The following SIGLEC15 variants were observed in gnomAD, a reference collection of about 807,000 sequenced individuals.
The protein encoded by SIGLEC15 is sialic acid binding Ig like lectin 15.
SIGLEC15 carries 31 observed loss-of-function variants against 26.2 expected under a neutral mutation model. The observed-to-expected ratio is 1.18, with a 90% CI of 0.89 to 1.60. The LOEUF (loss-of-function observed/expected upper bound fraction) is 1.60. SIGLEC15 is among the 40% of genes most tolerant of loss of function. The pLI, the probability that SIGLEC15 is intolerant of heterozygous loss-of-function variation, is 0.00. For missense variants in SIGLEC15, 501 were observed against 488.4 expected (o/e 1.03, Z -0.24); for synonymous variants, 207 against 221.9 (o/e 0.93, Z 0.60).
chr18:45,830,797 A>G (rs555023505), intron 1 of SIGLEC15, among the ~76,000 whole-genome samples: 4 of 128,382 alleles, frequency 3.1e-5, no homozygotes, highest in Non-Finnish European at 4.8e-5. Context: ...ACGGGGTTTC[A>G]CCATATTGGC....
intron 5 of SIGLEC15, 132 bp from the exon 6 acceptor site, chr18:45,841,974 T>C (rs2048328096): frequency 1.2e-6 from 1 of 834,946 alleles, no homozygotes; most frequent in Admixed American, 2.0e-5. Flanking sequence ...CATTCATCTC[T>C]GAGCCCTGCC....
chr18:45,837,120 G>A, intron 2 of SIGLEC15, 32 bp downstream of exon 2: 1 of 1,611,086 alleles, frequency 6.2e-7, no homozygotes, highest in Non-Finnish European at 8.5e-7. Flanking sequence ...ACCATCTCGG[G>A]GATCTTGGGA....
chr18:45,837,361 G>A, intron 2 of SIGLEC15, 152 bp from the exon 3 acceptor site: 1 of 1,240,346 alleles, frequency 8.1e-7, no homozygotes, highest in African/African-American at 1.6e-5. Flanking sequence ...TGGGGTTCCG[G>A]CTCCCCTGGA....
intron 1 of SIGLEC15, among the ~76,000 whole-genome samples, chr18:45,829,980 C>T (rs1056066729): frequency 1.2e-4 from 18 of 152,332 alleles, no homozygotes; most frequent in Admixed American, 1.2e-3. Context: ...ACGGGACTCA[C>T]TTTCCTGTCT....
intron 1 of SIGLEC15, among the ~76,000 whole-genome samples, chr18:45,826,445 C>T (rs1003415617): frequency 3.3e-5 from 5 of 152,218 alleles, no homozygotes; most frequent in African/African-American, 9.7e-5. Context: ...TCTTTGGCTC[C>T]ACCCCAGACC....
At position 45,830,409 on chromosome 18, in the gene SIGLEC15, C is replaced by G. The variant is rs866664707; in HGVS notation, c.52+4629C>G. 3.9e-5 allele frequency among the ~76,000 whole-genome samples: 6 copies of G among 152,098 alleles called. No homozygotes were observed. The South Asian group carries it at 6.2e-4, about 16-fold the overall frequency. Reference sequence around the variant, plus strand: ...TTGCAATGATGTGAGAGCTAATGCCCGATGCGGCAGCCCCAATCCTTCCTC... The same window carrying G: ...TTGCAATGATGTGAGAGCTAATGCCGGATGCGGCAGCCCCAATCCTTCCTC... On this transcript the variant is annotated intron_variant, in intron 1 of 5. Transcript: ENST00000389474.
At chr18:45,827,272 C>T (rs1381667240) in intron 1 of SIGLEC15, among the ~76,000 whole-genome samples, 2 of 152,154 alleles carry the variant, frequency 1.3e-5, no homozygotes, top group Non-Finnish European at 2.9e-5. Context: ...GAACATGGGG[C>T]CCAGAGGGGC....
At chr18:45,832,035 C>A (rs1035026434) in intron 1 of SIGLEC15, among the ~76,000 whole-genome samples, 38 of 152,204 alleles carry the variant, frequency 2.5e-4, no homozygotes, top group Non-Finnish European at 4.1e-4. Context: ...CCCGGCCCAA[C>A]ATCTTAACCC....
chr18:45,838,223 G>A (rs979502403), intron 3 of SIGLEC15, among the ~76,000 whole-genome samples: 3 of 152,176 alleles, frequency 2.0e-5, no homozygotes, highest in African/African-American at 7.2e-5. Context: ...TATGCCAAGA[G>A]GTGCAATGTG....
At position 45,825,768 on chromosome 18, in the gene SIGLEC15, G is replaced by A; in HGVS notation, c.40G>A (p.Val14Ile). 6.2e-7 allele frequency: 1 copy of A among 1,614,232 alleles called. No homozygotes were observed. Among genetic ancestry groups the A allele is most frequent in the Non-Finnish European group, 8.5e-7 (1 of 1,180,038 alleles). ...CTGGCTGCTGGCCTGCTTGGCGTGG[G>A]TTCTCCCGACAGGTGAGTGTCTGCT... ...SIWLLACLAW[V>I]LPTGSFVRTK... The change falls in exon 1 of 6, where the codon GTT becomes ATT. Residue 14 changes from valine (V) to isoleucine (I), a missense_variant. Transcript: ENST00000389474.
chr18:45,838,025 AC>A, intron 3 of SIGLEC15, 129 bp downstream of exon 3: 2 of 1,195,628 alleles, frequency 1.7e-6, no homozygotes, highest in Non-Finnish European at 2.2e-6. Flanking sequence ...CCTCTCCTCT[AC>A]CCCAGGGATC....
intron 1 of SIGLEC15, among the ~76,000 whole-genome samples, chr18:45,828,104 A>G (rs1370909346): frequency 1.3e-5 from 2 of 152,166 alleles, no homozygotes; most frequent in East Asian, 3.9e-4. Context: ...GCCAGAAGAC[A>G]TCCAGGCCAC....
At chr18:45,838,684 C>G (rs757380374) in intron 3 of SIGLEC15, 34 bp from the exon 4 acceptor site, 1 of 1,527,196 alleles carries the variant, frequency 6.5e-7, no homozygotes, top group Admixed American at 1.9e-5. Flanking sequence ...GGGAGGGGTG[C>G]CCTTGTGACA....
intron 2 of SIGLEC15, 54 bp downstream of exon 2, chr18:45,837,142 C>T (rs2048281967): frequency 6.2e-7 from 1 of 1,602,800 alleles, no homozygotes; most frequent in Non-Finnish European, 8.5e-7. Context: ...TCTGTTTTAA[C>T]CACGAGATCC....
intron 1 of SIGLEC15, among the ~76,000 whole-genome samples, chr18:45,830,691 G>C (rs993265905): frequency 7.2e-6 from 1 of 139,552 alleles, no homozygotes; most frequent in African/African-American, 2.6e-5. Context: ...GTTCAAGCGA[G>C]TCTCCTGCCT....
chr18:45,840,055 T>A (rs921206407), intron 4 of SIGLEC15, among the ~76,000 whole-genome samples, 156 bp from the exon 5 acceptor site: 16 of 151,970 alleles, frequency 1.1e-4, no homozygotes, highest in African/African-American at 3.9e-4. Context: ...CCCAGCAGGG[T>A]TCCATGGCAC....
chr18:45,828,199 C>T (rs888429425), intron 1 of SIGLEC15, among the ~76,000 whole-genome samples: 8 of 152,200 alleles, frequency 5.3e-5, no homozygotes, highest in African/African-American at 1.4e-4. Context: ...CCTGTGCCAA[C>T]GCAGGCCCGC....
chr18:45,832,970 C>T (rs2048247415), intron 1 of SIGLEC15, among the ~76,000 whole-genome samples: 1 of 152,136 alleles, frequency 6.6e-6, no homozygotes, highest in South Asian at 2.1e-4. Context: ...ACAGGAAGCA[C>T]AAATCTCTTC....
At chr18:45,841,569 G>C (rs1475772614) in intron 5 of SIGLEC15, among the ~76,000 whole-genome samples, 1 of 152,198 alleles carries the variant, frequency 6.6e-6, no homozygotes, top group African/African-American at 2.4e-5. Context: ...AAGGTGCAGG[G>C]GTGGCGGTGG....
Sources: gnomAD v4.1 joint callset for allele counts (sites outside exome capture counted in the v4.1 genomes callset) on GRCh38, gnomAD v4.1.1 for gene constraint, MANE v1.5 for transcripts, NCBI Gene and HGNC (gene_info 2026-07-23, HGNC 2026-07-21) for gene names.